Variants in ESYT2 observed in about 807,000 individuals in gnomAD.
ESYT2 encodes the protein extended synaptotagmin-2.
ESYT2 carries 54 observed loss-of-function variants against 107.2 expected under a neutral mutation model. The ratio of observed to expected loss-of-function variants is 0.50; its 90% CI spans 0.40 to 0.63. The LOEUF is 0.63. ESYT2 is among the 30% of genes least tolerant of loss of function. The probability of loss-of-function intolerance (pLI) is 0.00; values close to 1 mark genes in which losing one functional copy is unlikely to be tolerated. For missense variants in ESYT2, 1,020 were observed against 1,094.5 expected (o/e 0.93, Z 0.96); for synonymous variants, 491 against 434.1 (o/e 1.13, Z -1.63).
rs1453512197 is a variant in ESYT2, at chr7:158,733,885, A to G, written c.*322T>C. On this transcript the variant is annotated 3_prime_UTR_variant, in exon 23 of 23. Coordinates refer to ENST00000275418, the MANE Select transcript of ESYT2 (RefSeq NM_001367773.1). The stretch of plus-strand genomic sequence containing the variant: ...TTACATGGCATAGTATACCTCAGTG[A>G]TATATAAACAAGGCCATAATAAAGC... 1 of 296,222 alleles carries G rather than the reference A, an allele frequency of 3.4e-6. No individual in the cohort carries two copies. Among genetic ancestry groups the G allele is most frequent in the African/African-American group, 2.2e-5 (1 of 46,172 alleles). 18.3% of individuals were successfully genotyped at this position (296,222 alleles called of 1,614,324 possible).
Position 158,788,367 on chromosome 7 carries a change from C to T in ESYT2, c.635G>A (p.Arg212Lys), listed in dbSNP as rs1328288614. The T allele has an allele frequency of 6.2e-7, 1 of 1,611,274 alleles. No individual in the cohort carries two copies. ...TACCTGGATACTTTTCACACCAGCTCTACAAAAATATCGTTTGATCTCCAA... is the reference window on the plus strand; with the variant it reads ...TACCTGGATACTTTTCACACCAGCTTTACAAAAATATCGTTTGATCTCCAA... ...IDLEIKRYFC[R>K]AGVKSIQIHG... Residue 212 changes from arginine (R) to lysine (K), a missense_variant, in exon 5 of 23, where the codon AGA becomes AAA. Transcript: ENST00000275418.
intron 1 of ESYT2, among the ~76,000 whole-genome samples, chr7:158,818,347 A>C (rs1379698593): frequency 6.6e-6 from 1 of 152,226 alleles, no homozygotes. Flanking sequence ...GGCTCCTTGG[A>C]TATTATTTTA....
At chr7:158,825,459 A>AT (rs1840413522) in intron 1 of ESYT2, among the ~76,000 whole-genome samples, 1 of 152,252 alleles carries the variant, frequency 6.6e-6, no homozygotes, top group Non-Finnish European at 1.5e-5. Flanking sequence ...CAGTTGGAAC[A>AT]TAACTGTTCA....
intron 6 of ESYT2, among the ~76,000 whole-genome samples, chr7:158,778,474 GAT>G (rs1349518832): frequency 6.7e-6 from 1 of 148,576 alleles, no homozygotes; most frequent in Non-Finnish European, 1.5e-5. Context: ...AAAAAAAAAA[GAT>G]AAATGTAACT....
At chr7:158,752,931 G>A in intron 13 of ESYT2, 88 bp from the exon 14 acceptor site, 5 of 855,882 alleles carry the variant, frequency 5.8e-6, no homozygotes, top group Admixed American at 3.3e-5. Flanking sequence ...AAAATTTATG[G>A]GAATAAACAA....
In ESYT2 at chr7:158,733,253, C is replaced by T. The variant is rs1836805841; in HGVS notation, c.*954G>A. On this transcript the variant is annotated 3_prime_UTR_variant, in exon 23 of 23. Coordinates refer to ENST00000275418, the MANE Select transcript of ESYT2 (RefSeq NM_001367773.1). Reference sequence around the variant, plus strand: ...TATCCTGTCTACTCACTCCAATCTACCTCACAACCTTTAAAAGGACAACGT... The same window carrying T: ...TATCCTGTCTACTCACTCCAATCTATCTCACAACCTTTAAAAGGACAACGT... The T allele has an allele frequency of 6.6e-6, 1 of 152,254 alleles. No homozygotes were observed. Among genetic ancestry groups the T allele is most frequent in the South Asian group, 2.1e-4 (1 of 4,832 alleles). The allele number at this position is 152,254 out of a possible 1,614,324, so 9.4% of individuals were successfully genotyped here.
In ESYT2 at chr7:158,731,608, G is replaced by C. The variant is rs1482168963; in HGVS notation, c.*2599C>G. ...AGGCGTGAGCCACCGCACCCGGCCA[G>C]CTGCTTCTATTTTAATCTGAACTTG... On this transcript the variant is annotated 3_prime_UTR_variant, in exon 23 of 23. Coordinates refer to ENST00000275418, the MANE Select transcript of ESYT2 (RefSeq NM_001367773.1). 6.5e-6 allele frequency: 1 copy of C among 152,702 alleles called. No homozygotes were observed. Among genetic ancestry groups the C allele is most frequent in the East Asian group, 1.9e-4 (1 of 5,186 alleles). 9.5% of individuals were successfully genotyped at this position (152,702 alleles called of 1,614,324 possible). A position where few individuals can be genotyped will look rare whatever the true frequency, so the allele number is the denominator to read the frequency against.
intron 19 of ESYT2, among the ~76,000 whole-genome samples, chr7:158,737,556 G>C (rs1460700792): frequency 6.6e-6 from 1 of 152,058 alleles, no homozygotes; most frequent in African/African-American, 2.4e-5. Context: ...CTCCAGAAGG[G>C]GGCTGCTCCT....
chr7:158,828,265 C>T lies in ESYT2; in HGVS notation c.330+824G>A, dbSNP rs148846600. ...AAAAAGTTAACTTCTCCCCCACCAG[C>T]TGTCATTACGTTTTTTAAAAAACAG... is the stretch of plus-strand genomic sequence containing the variant. On this transcript the variant is annotated intron_variant, in intron 1 of 22. Transcript: ENST00000275418. Among the ~76,000 whole-genome samples, 836 of 152,370 alleles carry T rather than the reference C, an allele frequency of 5.5e-3. 16 individuals are homozygous for T. The highest frequency in any genetic ancestry group is 0.018 in the African/African-American group (763 of 41,600).
chr7:158,793,113 T>C (rs1839361048), intron 4 of ESYT2, among the ~76,000 whole-genome samples: 3 of 152,206 alleles, frequency 2.0e-5, no homozygotes. Context: ...GTTTTTATTA[T>C]GTTGAGTTAG....
At chr7:158,768,226 C>A (rs560844461) in intron 7 of ESYT2, among the ~76,000 whole-genome samples, 10 of 152,254 alleles carry the variant, frequency 6.6e-5, no homozygotes, top group African/African-American at 2.4e-4. Context: ...CATTCATTGG[C>A]CCATTCATGT....
At position 158,781,412 on chromosome 7, in the gene ESYT2, AGTGT is replaced by A. The variant is rs1368815898; in HGVS notation, c.747+6588_747+6591del. Among the ~76,000 whole-genome samples, 24 of 125,776 alleles carry A rather than the reference AGTGT, an allele frequency of 1.9e-4. No homozygotes were observed. In the East Asian group the frequency reaches 3.7e-3, roughly 19 times the overall value. 82.5% of individuals were successfully genotyped at this position (125,776 alleles called of 152,430 possible). A position where few individuals can be genotyped will look rare whatever the true frequency, so the allele number is the denominator to read the frequency against. On this transcript the variant is annotated intron_variant, in intron 6 of 22. Coordinates refer to ENST00000275418, the MANE Select transcript of ESYT2 (RefSeq NM_001367773.1). ...TGTTGAGAACAAAGTGTGAGGTGTGAGTGTAAGAACGAGTGAGAAGTGTGAGTGT... is the reference window on the plus strand; with the variant it reads ...TGTTGAGAACAAAGTGTGAGGTGTGAAAGAACGAGTGAGAAGTGTGAGTGT...
At position 158,817,868 on chromosome 7, in the gene ESYT2, T is replaced by C. The variant is rs527608974; in HGVS notation, c.330+11221A>G. Among the ~76,000 whole-genome samples, 21 of 152,360 alleles carry C rather than the reference T, an allele frequency of 1.4e-4. 1 individual carries two copies. Among genetic ancestry groups the C allele is most frequent in the South Asian group, 8.3e-4 (4 of 4,832 alleles). Reference sequence around the variant, plus strand: ...ATTAATAATTTTAGCAATTTGATACTGGTTCTCAAAATGTGAGCAGCATAA... The same window carrying C: ...ATTAATAATTTTAGCAATTTGATACCGGTTCTCAAAATGTGAGCAGCATAA... On this transcript the variant is annotated intron_variant, in intron 1 of 22. Transcript: ENST00000275418.
Position 158,734,290 on chromosome 7 carries a change from A to G in ESYT2, c.2556-38T>C, listed in dbSNP as rs771330748. The stretch of plus-strand genomic sequence containing the variant: ...GTGACAGGAAGGTGGTGACGGATAC[A>G]GGACCAAGTAGGAAAAGCCTATCAG... On this transcript the variant is annotated intron_variant, in intron 22 of 22. Transcript: ENST00000275418. The G allele has an allele frequency of 3.1e-6, 5 of 1,613,686 alleles. No homozygotes were observed. The African/African-American group carries it at 6.7e-5, about 22-fold the overall frequency.
chr7:158,826,939 C>A (rs570775919), intron 1 of ESYT2, among the ~76,000 whole-genome samples: 4 of 150,686 alleles, frequency 2.7e-5, no homozygotes, highest in Admixed American at 2.0e-4. Context: ...CCAAGGCAGG[C>A]GGAACACAAG....
Position 158,762,449 on chromosome 7 carries a change from T to C in ESYT2, c.1184+634A>G, listed in dbSNP as rs563396794. On this transcript the variant is annotated intron_variant, in intron 10 of 22. Coordinates refer to ENST00000275418, the MANE Select transcript of ESYT2 (RefSeq NM_001367773.1). ...CACAACGTGCAAGGGCCATTCTTGATGAGGTATGAACCTCTCCAATGTATT... is the reference window on the plus strand; with the variant it reads ...CACAACGTGCAAGGGCCATTCTTGACGAGGTATGAACCTCTCCAATGTATT... Among the ~76,000 whole-genome samples, 3 of 152,354 alleles carry C rather than the reference T, an allele frequency of 2.0e-5. No homozygotes were observed. The South Asian group carries it at 6.2e-4, about 32-fold the overall frequency.
chr7:158,819,778 AACT>A (rs539746811), intron 1 of ESYT2, among the ~76,000 whole-genome samples: 56 of 152,372 alleles, frequency 3.7e-4, no homozygotes, highest in Middle Eastern at 3.4e-3. Flanking sequence ...AGAAAAATAC[AACT>A]ACATGTTCAT....
intron 10 of ESYT2, 30 bp from the exon 11 acceptor site, chr7:158,761,574 A>G: frequency 6.3e-7 from 1 of 1,577,330 alleles, no homozygotes; most frequent in Admixed American, 1.7e-5. Context: ...ACAACTTTAG[A>G]ACATAGAAAC....
chr7:158,806,258 A>G (rs936479945), intron 1 of ESYT2, among the ~76,000 whole-genome samples: 1 of 152,114 alleles, frequency 6.6e-6, no homozygotes, highest in African/African-American at 2.4e-5. Context: ...ACCATCACCT[A>G]TTCTGGTAGA....
Sources: allele counts gnomAD v4.1 joint callset (sites outside exome capture counted in the v4.1 genomes callset), GRCh38; gene constraint gnomAD v4.1.1; transcripts MANE v1.5; gene names NCBI Gene and HGNC (gene_info 2026-07-23, HGNC 2026-07-21).